Variants in EP300 observed in about 807,000 individuals in gnomAD.
EP300 encodes the protein EP300 lysine acetyltransferase, also known as histone acetyltransferase p300.
A neutral mutation model predicts 264.0 loss-of-function variants in EP300; 31 were observed. That is an observed-to-expected ratio of 0.12 (90% CI 0.09 to 0.16). EP300 has a LOEUF of 0.16. EP300 is among the 10% of genes least tolerant of loss of function. EP300 has a pLI of 1.00. For missense variants in EP300, 2,766 were observed against 3,052.9 expected, an observed-to-expected ratio of 0.91 and a Z score of 2.21; for synonymous variants, 1,340 against 1,045.4, an observed-to-expected ratio of 1.28 and a Z score of -5.44.
chr22:41,171,844 C>G (rs576532365), intron 27 of EP300, among the ~76,000 whole-genome samples: 7 of 151,972 alleles, frequency 4.6e-5, no homozygotes, highest in Admixed American at 2.0e-4. Flanking sequence ...AACTCCTGAC[C>G]TCAGGTGATC....
chr22:41,130,973 AAT>A (rs2058915664), intron 5 of EP300, among the ~76,000 whole-genome samples: 1 of 152,218 alleles, frequency 6.6e-6, no homozygotes, highest in Non-Finnish European at 1.5e-5. Flanking sequence ...GGGAATAGAA[AAT>A]AGACAATTCA....
At chr22:41,115,892 T>C (rs1487495414) in intron 1 of EP300, among the ~76,000 whole-genome samples, 5 of 152,216 alleles carry the variant, frequency 3.3e-5, no homozygotes, top group African/African-American at 1.2e-4. Context: ...TAAAAAATGG[T>C]GGATAGCCCT....
intron 6 of EP300, among the ~76,000 whole-genome samples, chr22:41,133,018 T>C (rs1231487155): frequency 6.6e-6 from 1 of 152,208 alleles, no homozygotes; most frequent in Non-Finnish European, 1.5e-5. Context: ...TTTGAGTAGT[T>C]AGACATCCAG....
At position 41,119,172 on chromosome 22, in the gene EP300, A is replaced by ATTTTTT. The variant is rs796885809; in HGVS notation, c.729+1353_729+1354insTTTTTT. Among the ~76,000 whole-genome samples, 28 of 107,210 alleles carry ATTTTTT rather than the reference A, an allele frequency of 2.6e-4. 3 individuals are homozygous for ATTTTTT. Among genetic ancestry groups the ATTTTTT allele is most frequent in the Middle Eastern group, 0.01 (2 of 200 alleles). 70.3% of individuals were successfully genotyped at this position (107,210 alleles called of 152,430 possible). On this transcript the variant is annotated intron_variant, in intron 2 of 30. Coordinates refer to ENST00000263253, the MANE Select transcript of EP300 (RefSeq NM_001429.4). ...CACATACCACCATGCCTGGCTTATT[A>ATTTTTT]TTATTTTTTTTTTTTTTTTTTTTTT...
Position 41,092,627 on chromosome 22 carries a change from T to A in EP300, c.-378T>A. The A allele has an allele frequency of 1.6e-6, 1 of 635,418 alleles. No homozygotes were observed. Among genetic ancestry groups the A allele is most frequent in the Middle Eastern group, 3.0e-4 (1 of 3,368 alleles). 39.4% of individuals were successfully genotyped at this position (635,418 alleles called of 1,614,324 possible). A position where few individuals can be genotyped will look rare whatever the true frequency, so the allele number is the denominator to read the frequency against. ...AGGACAGCGCCGAGGAGGAAGAGGTTGATGGCGGCGGCGGAGCTCCGAGAG... is the reference window on the plus strand; with the variant it reads ...AGGACAGCGCCGAGGAGGAAGAGGTAGATGGCGGCGGCGGAGCTCCGAGAG... On this transcript the variant is annotated 5_prime_UTR_variant, in exon 1 of 31. Coordinates refer to ENST00000263253, the MANE Select transcript of EP300 (RefSeq NM_001429.4).
intron 6 of EP300, among the ~76,000 whole-genome samples, chr22:41,132,319 C>A (rs73176607): frequency 0.53 from 61,070 of 115,624 alleles, 18,038 homozygotes; most frequent in Admixed American, 0.72. Flanking sequence ...GATGGAGTCT[C>A]GCTCTGTTGT....
chr22:41,120,452 A>T (rs1170973732), intron 2 of EP300, among the ~76,000 whole-genome samples: 3 of 152,214 alleles, frequency 2.0e-5, no homozygotes, highest in Non-Finnish European at 2.9e-5. Context: ...GACTTGTGAT[A>T]TTTAAGAATT....
At chr22:41,151,452 T>G (rs1444646492) in intron 14 of EP300, among the ~76,000 whole-genome samples, 1 of 152,214 alleles carries the variant, frequency 6.6e-6, no homozygotes, top group Non-Finnish European at 1.5e-5. Flanking sequence ...TTCTGTACCT[T>G]TGAAACTTTC....
rs2059048566 is a variant in EP300 at position 41,151,980 on chromosome 22, C to G, written c.2965C>G (p.Pro989Ala). The G allele has an allele frequency of 1.2e-6, 2 of 1,614,066 alleles. No homozygotes were observed. Among genetic ancestry groups the G allele is most frequent in the Admixed American group, 1.7e-5 (1 of 59,994 alleles). ...CAAAATGGAAGTGGATCAACCAGAACCAGCAGATACTCAGCCGGAGGATAT... is the reference window on the plus strand; with the variant it reads ...CAAAATGGAAGTGGATCAACCAGAAGCAGCAGATACTCAGCCGGAGGATAT... ...EAKMEVDQPE[P>A]ADTQPEDISE... is the part of the protein sequence containing the mutation. The change falls in exon 15 of 31, where the codon CCA (proline) becomes GCA (alanine). Residue 989 changes from proline (P) to alanine (A), a missense_variant. Physicochemically the swap from Pro to Ala is conservative, Grantham distance 27. Transcript: ENST00000263253.
chr22:41,143,221 G>A (rs1435663778), intron 10 of EP300, among the ~76,000 whole-genome samples: 2 of 152,194 alleles, frequency 1.3e-5, no homozygotes, highest in Non-Finnish European at 2.9e-5. Flanking sequence ...GGGAGGCTGA[G>A]GCTGCAGATC....
intron 1 of EP300, among the ~76,000 whole-genome samples, chr22:41,114,839 CAAG>C (rs2058812538): frequency 6.7e-6 from 1 of 150,366 alleles, no homozygotes. Context: ...AAAAAAACTA[CAAG>C]AAGAGGAAGG....
intron 10 of EP300, among the ~76,000 whole-genome samples, chr22:41,145,594 C>CT (rs1161401764): frequency 3.3e-5 from 5 of 152,198 alleles, no homozygotes; most frequent in Non-Finnish European, 7.3e-5. Context: ...GCAGATAATC[C>CT]AGGAAAAAGA....
intron 16 of EP300, among the ~76,000 whole-genome samples, chr22:41,153,226 A>G (rs1012561583): frequency 1.3e-5 from 2 of 152,142 alleles, no homozygotes; most frequent in African/African-American, 2.4e-5. Context: ...TTAATTGACT[A>G]TTTTAGGACT....
intron 1 of EP300, among the ~76,000 whole-genome samples, chr22:41,105,145 C>T (rs1275072376): frequency 1.6e-5 from 2 of 124,138 alleles, no homozygotes; most frequent in Admixed American, 9.6e-5. Flanking sequence ...AGCAGTGAGC[C>T]GAGATCGTGC....
chr22:41,118,796 G>T (rs1209509575), intron 2 of EP300, among the ~76,000 whole-genome samples: 1 of 90,450 alleles, frequency 1.1e-5, no homozygotes, highest in African/African-American at 3.4e-5. Context: ...CTATTTAAGG[G>T]GAAAAAAAAA....
chr22:41,108,093 G>C (rs891190226), intron 1 of EP300: 1 of 152,062 alleles, frequency 6.6e-6, no homozygotes, highest in African/African-American at 2.4e-5. Context: ...GTGATCTACA[G>C]AATCAGTATG....
At chr22:41,140,326 G>GC (rs1242351152) in intron 9 of EP300, 69 bp downstream of exon 9, 12 of 1,046,220 alleles carry the variant, frequency 1.1e-5, no homozygotes, top group Non-Finnish European at 1.8e-5. Flanking sequence ...TTCCTCTTTA[G>GC]CATGTACAAG....
rs188222344 is a variant in EP300 at position 41,127,417 on chromosome 22, C to T, written c.907-70C>T. On this transcript the variant is annotated intron_variant, in intron 3 of 30. Coordinates refer to ENST00000263253, the MANE Select transcript of EP300 (RefSeq NM_001429.4). ...CCATAAAGGTTTTCATTGAAAATAT[C>T]CACATCTCTATTTATTAAGAAATAG... 3 of 1,589,374 alleles carry T rather than the reference C, an allele frequency of 1.9e-6. No homozygotes were observed. The East Asian group carries it at 6.7e-5, about 36-fold the overall frequency.
chr22:41,109,713 T>C (rs901257138), intron 1 of EP300, among the ~76,000 whole-genome samples: 7 of 147,998 alleles, frequency 4.7e-5, no homozygotes, highest in African/African-American at 1.7e-4. Flanking sequence ...TCCCTGCATC[T>C]TTTTTTTTTG....
Sources: allele counts gnomAD v4.1 joint callset (sites outside exome capture counted in the v4.1 genomes callset), GRCh38; gene constraint gnomAD v4.1.1; transcripts MANE v1.5; gene names NCBI Gene and HGNC (gene_info 2026-07-23, HGNC 2026-07-21).